The following MYH8 variants were observed in gnomAD, a reference collection of about 807,000 sequenced individuals.
MYH8 encodes myosin heavy chain 8.
A neutral mutation model predicts 233.2 loss-of-function variants in MYH8; 168 were observed. The ratio of observed to expected loss-of-function variants is 0.72; its 90% CI spans 0.64 to 0.82. The LOEUF (loss-of-function observed/expected upper bound fraction) is 0.82, where lower values mean the gene tolerates loss of function less well. Ranked by LOEUF, MYH8 falls within the 40% of genes least tolerant of loss-of-function variation. MYH8 has a pLI of 0.00. For missense variants in MYH8, 1,995 were observed against 2,327.8 expected (o/e 0.86, Z 2.94); for synonymous variants, 785 against 850.6 (o/e 0.92, Z 1.34).
Position 10,401,379 on chromosome 17 carries a change from G to A in MYH8, c.3004C>T (p.Leu1002Phe), listed in dbSNP as rs139605305. 6.2e-7 allele frequency: 1 copy of A among 1,613,934 alleles called. No homozygotes were observed. Among genetic ancestry groups the A allele is most frequent in the Non-Finnish European group, 8.5e-7 (1 of 1,180,036 alleles). ...IAKLSKEKKA[L>F]QETHQQTLDD... ...AGGGTCTGCTGGTGGGTCTCTTGGA[G>A]AGCCTTCTTCTCCTTGGACAGTTTT... Residue 1002 changes from leucine to phenylalanine, a missense_variant, in exon 24 of 40, where the codon CTC becomes TTC. Physicochemically the swap from Leu to Phe is conservative, Grantham distance 22 (BLOSUM62 0). Transcript: ENST00000403437.
intron 39 of MYH8, among the ~76,000 whole-genome samples, chr17:10,391,501 G>A (rs1044589908): frequency 1.3e-5 from 2 of 152,058 alleles, no homozygotes; most frequent in East Asian, 1.9e-4. Flanking sequence ...CCAACACGGT[G>A]AAGCCCTGTC....
intron 15 of MYH8, 58 bp from the exon 16 acceptor site, chr17:10,409,646 T>C: frequency 6.2e-7 from 1 of 1,600,698 alleles, no homozygotes; most frequent in Admixed American, 1.7e-5. Context: ...GATAGAGACA[T>C]GGTGGCTGTC....
intron 27 of MYH8, 121 bp from the exon 28 acceptor site, chr17:10,399,790 A>G (rs2072118639): frequency 7.2e-7 from 1 of 1,395,670 alleles, no homozygotes; most frequent in East Asian, 2.5e-5. Flanking sequence ...AAGTTAGGAC[A>G]TCAACTCTGT....
rs766809648 is a variant in MYH8, at chr17:10,394,303, G to T, written c.5112C>A (p.Ile1704=). 10 of 1,613,942 alleles carry T rather than the reference G, an allele frequency of 6.2e-6. No homozygotes were observed. The East Asian group carries it at 2.2e-4, about 36-fold the overall frequency. Residue 1704 remains isoleucine (I), a synonymous_variant, in exon 35 of 40, where the codon ATC becomes ATA. Transcript: ENST00000403437. ...TGGCATCCAGGAGCTCCTGTTCGGC[G>T]ATTTTCCTGCTTCTCTCTGTCTGTT... ...TLEQTERSRK[I]AEQELLDASE...
At position 10,420,179 on chromosome 17, in the gene MYH8, G is replaced by A. The variant is rs199744083; in HGVS notation, c.49C>T (p.Pro17Ser). The A allele has an allele frequency of 2.4e-5, 39 of 1,613,836 alleles. No individual in the cohort carries two copies. Among genetic ancestry groups the A allele is most frequent in the Non-Finnish European group, 3.2e-5 (38 of 1,180,046 alleles). ...AEMAVFGEAAPYLRKSEKERI... is the reference protein window; with the variant it reads ...AEMAVFGEAASYLRKSEKERI... ...TCCTTTTCTGATTTTCGAAGGTAGG[G>A]AGCAGCTTCGCCAAAAACAGCCATC... is the stretch of plus-strand genomic sequence containing the variant. Residue 17 changes from proline to serine, a missense_variant, in exon 3 of 40, where the codon CCC becomes TCC. Pro to Ser is a moderately conservative substitution (Grantham distance 74, BLOSUM62 -1). Coordinates refer to ENST00000403437, the MANE Select transcript of MYH8 (RefSeq NM_002472.3).
chr17:10,392,952 TG>T lies in MYH8; in HGVS notation c.5341del (p.His1781ThrfsTer5). The T allele has an allele frequency of 6.2e-7, 1 of 1,614,232 alleles. No homozygotes were observed. The highest frequency in any genetic ancestry group is 1.1e-5 in the South Asian group (1 of 91,084). On this transcript the variant is annotated frameshift_variant, in exon 37 of 40. Transcript: ENST00000403437. LOFTEE classifies it high-confidence loss of function. ...CAGGTTCTTCTTCATCCGCTCCAGG[TG>T]GGCGCTGGTGTCCTGTTCCTTCTTC... ...ELKKEQDTSA[H>X]LERMKKNLEQ...
intron 5 of MYH8, among the ~76,000 whole-genome samples, chr17:10,416,331 C>T (rs1440509283): frequency 6.6e-6 from 1 of 152,194 alleles, no homozygotes; most frequent in African/African-American, 2.4e-5. Flanking sequence ...GTATATACCA[C>T]ATTTTGCTTA....
At chr17:10,412,281 G>A in intron 14 of MYH8, 89 bp downstream of exon 14, 1 of 1,612,994 alleles carries the variant, frequency 6.2e-7, no homozygotes, top group South Asian at 1.1e-5. Flanking sequence ...AAGTAATATG[G>A]ACGCTATAAA....
intron 30 of MYH8, among the ~76,000 whole-genome samples, chr17:10,397,402 G>A (rs1259831390): frequency 6.6e-6 from 1 of 152,106 alleles, no homozygotes; most frequent in East Asian, 1.9e-4. Context: ...CCACGGTCCT[G>A]TTTCTATACT....
In MYH8 at chr17:10,418,344, T is replaced by C. The variant is rs1597405925; in HGVS notation, c.511+301A>G. On this transcript the variant is annotated intron_variant, in intron 5 of 39. Coordinates refer to ENST00000403437, the MANE Select transcript of MYH8 (RefSeq NM_002472.3). Reference sequence around the variant, plus strand: ...ATCCAAATTGGAAAGTAACAAAATATGGAAAACAATAAATATGTTTACAGT... The same window carrying C: ...ATCCAAATTGGAAAGTAACAAAATACGGAAAACAATAAATATGTTTACAGT... Among the ~76,000 whole-genome samples, 9 of 152,338 alleles carry C rather than the reference T, an allele frequency of 5.9e-5. No homozygotes were observed. The South Asian group carries it at 1.9e-3, about 32-fold the overall frequency.
Position 10,409,529 on chromosome 17 carries a change from G to C in MYH8, c.1647C>G (p.Thr549=). 1.9e-6 allele frequency: 3 copies of C among 1,614,216 alleles called. No individual in the cohort carries two copies. Among genetic ancestry groups the C allele is most frequent in the Non-Finnish European group, 2.5e-6 (3 of 1,180,038 alleles). ...EECMFPKATD[T]SFKNKLYDQH... ...GGTCATACAGCTTGTTCTTGAAGGA[G>C]GTGTCCGTTGCCTTAGGGAACATGC... Residue 549 remains threonine (T), a synonymous_variant, in exon 16 of 40, where the codon ACC becomes ACG. Coordinates refer to ENST00000403437, the MANE Select transcript of MYH8 (RefSeq NM_002472.3).
rs535687877 is a variant in MYH8 at position 10,410,491 on chromosome 17, G to T, written c.1587+286C>A. ...TGGAGATAGATCAAGAACTAATGAGGACAGTAGTTGTAGTAAAGCAGAACA... is the reference window on the plus strand; with the variant it reads ...TGGAGATAGATCAAGAACTAATGAGTACAGTAGTTGTAGTAAAGCAGAACA... On this transcript the variant is annotated intron_variant, in intron 15 of 39. Transcript: ENST00000403437. 4.6e-5 allele frequency among the ~76,000 whole-genome samples: 7 copies of T among 152,276 alleles called. No individual in the cohort carries two copies. The East Asian group carries it at 1.3e-3, about 29-fold the overall frequency.
At chr17:10,407,629 A>G (rs1480616160) in intron 17 of MYH8, among the ~76,000 whole-genome samples, 8 of 152,088 alleles carry the variant, frequency 5.3e-5, no homozygotes, top group African/African-American at 1.9e-4. Flanking sequence ...TCATGAGGTC[A>G]GGAGTTCGAG....
At chr17:10,412,345 C>G in intron 14 of MYH8, 25 bp downstream of exon 14, 1 of 1,614,022 alleles carries the variant, frequency 6.2e-7, no homozygotes, top group Non-Finnish European at 8.5e-7. Flanking sequence ...TTGCCTCCTT[C>G]TTAATTCTTG....
In MYH8 at chr17:10,411,058, G is replaced by A. The variant is rs12601552; in HGVS notation, c.1417-111C>T. 607,017 of 1,553,184 alleles carry A rather than the reference G, an allele frequency of 0.39. 128,488 individuals carry two copies. Among genetic ancestry groups the A allele is most frequent in the East Asian group, 0.85 (36,114 of 42,518 alleles). ...ATGTGGAATGTAGTAATGAGATACA[G>A]TTAAAACTAACGTTGCTCCCTCAAA... On this transcript the variant is annotated intron_variant, in intron 14 of 39. Transcript: ENST00000403437.
At chr17:10,414,551 C>G in intron 9 of MYH8, 67 bp from the exon 10 acceptor site, 1 of 1,087,506 alleles carries the variant, frequency 9.2e-7, no homozygotes, top group Admixed American at 1.8e-5. Context: ...AAATGAACCT[C>G]ACGTCTTTGG....
chr17:10,412,625 G>A lies in MYH8; in HGVS notation c.1251C>T (p.Gly417=), dbSNP rs747938355. Residue 417 remains glycine, a synonymous_variant, in exon 13 of 40, where the codon GGC becomes GGT. Transcript: ENST00000403437. ...ATGCACTTACCTGCTGCACAGTCTG[G>A]CCTTTGGTGACATACTCATTGCCAA... is the stretch of plus-strand genomic sequence containing the variant. ...VKVGNEYVTK[G]QTVQQVYNAV... is the part of the protein sequence containing the mutation. 2 of 1,614,236 alleles carry A rather than the reference G, an allele frequency of 1.2e-6. No homozygotes were observed. The highest frequency in any genetic ancestry group is 1.7e-6 in the Non-Finnish European group (2 of 1,180,044).
At chr17:10,411,402 C>G (rs549417605) in intron 14 of MYH8, among the ~76,000 whole-genome samples, 1 of 151,616 alleles carries the variant, frequency 6.6e-6, no homozygotes, top group East Asian at 1.9e-4. Context: ...AATCATTATT[C>G]ACGTGAGCCT....
At position 10,409,708 on chromosome 17, in the gene MYH8, G is replaced by A. The variant is rs1039177173; in HGVS notation, c.1588-120C>T. The A allele has an allele frequency of 2.2e-6, 3 of 1,360,516 alleles. No individual in the cohort carries two copies. The South Asian group carries it at 3.7e-5, about 17-fold the overall frequency. The allele number at this position is 1,360,516 out of a possible 1,614,324, so 84.3% of individuals were successfully genotyped here. ...TTAAATATATGTATGAAATAAACCA[G>A]GGTCACAGCTCGAAGAAGTCCCTTG... On this transcript the variant is annotated intron_variant, in intron 15 of 39. Coordinates refer to ENST00000403437, the MANE Select transcript of MYH8 (RefSeq NM_002472.3).
Sources: allele counts gnomAD v4.1 joint callset (sites outside exome capture counted in the v4.1 genomes callset), GRCh38; gene constraint gnomAD v4.1.1; transcripts MANE v1.5; gene names NCBI Gene and HGNC (gene_info 2026-07-23, HGNC 2026-07-21).